CRYBG3: variants seen among roughly 807,000 people sequenced by gnomAD.
The protein encoded by CRYBG3 is crystallin beta-gamma domain containing 3, also known as very large A-kinase anchor protein.
A neutral mutation model predicts 244.2 loss-of-function variants in CRYBG3; 127 were observed. The ratio of observed to expected loss-of-function variants is 0.52; its 90% confidence interval spans 0.45 to 0.60. The LOEUF is 0.60. Among genes scored for constraint, CRYBG3 ranks in the 20% least tolerant of loss-of-function variants. The pLI is 0.00. For missense variants in CRYBG3, 3,325 were observed against 3,442.5 expected, an observed-to-expected ratio of 0.97 and a Z score of 0.85; for synonymous variants, 1,132 against 1,195.8, an observed-to-expected ratio of 0.95 and a Z score of 1.10.
chr3:97,921,127 G>C (rs1428394200), intron 17 of CRYBG3, among the ~76,000 whole-genome samples: 1 of 96,468 alleles, frequency 1.0e-5, no homozygotes, highest in Non-Finnish European at 1.9e-5. Context: ...TCTCTATTTT[G>C]TGTTTTTATG....
At position 97,872,614 on chromosome 3, in the gene CRYBG3, T is replaced by A; in HGVS notation, c.1420T>A (p.Cys474Ser). The A allele has an allele frequency of 6.5e-7, 1 of 1,535,884 alleles. No homozygotes were observed. The highest frequency in any genetic ancestry group is 1.2e-5 in the South Asian group (1 of 84,052). Residue 474 changes from cysteine to serine, a missense_variant, in exon 4 of 22, where the codon TGT becomes AGT. Cys to Ser is a moderately radical substitution (Grantham distance 112). Transcript: ENST00000389622. ...ACATCTGCAGTTGCCAGAGAGTGAGTGTTCTGACAAGCAAACCATAGATAG... is the reference window on the plus strand; with the variant it reads ...ACATCTGCAGTTGCCAGAGAGTGAGAGTTCTGACAAGCAAACCATAGATAG... ...HEHLQLPESE[C>S]SDKQTIDSSS...
At chr3:97,925,069 G>C (rs2040025319) in intron 17 of CRYBG3, among the ~76,000 whole-genome samples, 1 of 151,994 alleles carries the variant, frequency 6.6e-6, no homozygotes, top group African/African-American at 2.4e-5. Flanking sequence ...GCTGACCTGG[G>C]AGGACTGCTT....
At chr3:97,886,211 T>G (rs1401361733) in intron 7 of CRYBG3, among the ~76,000 whole-genome samples, 2 of 152,198 alleles carry the variant, frequency 1.3e-5, no homozygotes, top group Non-Finnish European at 2.9e-5. Context: ...TACTTGTTTT[T>G]TTATATCCCC....
At position 97,873,744 on chromosome 3, in the gene CRYBG3, C is replaced by T. The variant is rs755649024; in HGVS notation, c.2550C>T (p.Asn850=). Residue 850 remains asparagine, a synonymous_variant, in exon 4 of 22, where the codon AAC becomes AAT. Transcript: ENST00000389622. The part of the protein sequence containing the change: ...KVSLSKVEPR[N]ISQDKMSSFP... ...CTCTTTCAAAAGTGGAGCCCAGAAA[C>T]ATTTCTCAGGATAAAATGTCTTCTT... The T allele has an allele frequency of 1.3e-5, 20 of 1,535,698 alleles. No homozygotes were observed. Among genetic ancestry groups the T allele is most frequent in the Non-Finnish European group, 1.7e-5 (20 of 1,146,750 alleles).
chr3:97,857,366 G>T (rs952220891), intron 2 of CRYBG3, among the ~76,000 whole-genome samples: 6 of 149,512 alleles, frequency 4.0e-5, no homozygotes, highest in Non-Finnish European at 8.9e-5. Context: ...ATGAAATGTT[G>T]TATAAATGTT....
At position 97,910,282 on chromosome 3, in the gene CRYBG3, C is replaced by G. The variant is rs377317050; in HGVS notation, c.8005-1885C>G. On this transcript the variant is annotated intron_variant, in intron 15 of 21. Coordinates refer to ENST00000389622, the MANE Select transcript of CRYBG3 (RefSeq NM_153605.4). Reference sequence around the variant, plus strand: ...GAGCTGTGGTGGGCTCCACCCAGTTCGAGCTTCCTGGCTGCTTTGTTTACC... The same window carrying G: ...GAGCTGTGGTGGGCTCCACCCAGTTGGAGCTTCCTGGCTGCTTTGTTTACC... Among the ~76,000 whole-genome samples, 11 of 152,218 alleles carry G rather than the reference C, an allele frequency of 7.2e-5. No individual in the cohort carries two copies. The South Asian group carries it at 1.4e-3, about 20-fold the overall frequency.
Position 97,874,375 on chromosome 3 carries a change from T to C in CRYBG3, c.3181T>C (p.Ser1061Pro). ...TTTAAATGGTGGTATTGATAGTGTG[T>C]CATCTTCCTCTAGTTACCCTGAAGA... The part of the protein sequence containing the change: ...HFLNGGIDSV[S>P]SSSSYPEEVS... The change falls in exon 4 of 22, where the codon TCA (serine) becomes CCA (proline). Residue 1061 changes from serine to proline, a missense_variant. Ser to Pro is a moderately conservative substitution (Grantham distance 74). This residue lies in a region of CRYBG3 where 1,526 missense variants were observed against 1,443.2 expected (regional missense o/e 1.06). Coordinates refer to ENST00000389622, the MANE Select transcript of CRYBG3 (RefSeq NM_153605.4). 1 of 1,530,676 alleles carries C rather than the reference T, an allele frequency of 6.5e-7. No homozygotes were observed. Among genetic ancestry groups the C allele is most frequent in the Non-Finnish European group, 8.7e-7 (1 of 1,145,350 alleles). The allele number at this position is 1,530,676 out of a possible 1,614,324, so 94.8% of individuals were successfully genotyped here. A position where few individuals can be genotyped will look rare whatever the true frequency, so the allele number is the denominator to read the frequency against.
intron 17 of CRYBG3, among the ~76,000 whole-genome samples, chr3:97,932,402 T>C (rs1012300173): frequency 6.6e-6 from 1 of 152,064 alleles, no homozygotes; most frequent in African/African-American, 2.4e-5. Context: ...TGATGGGCGT[T>C]TAAATCATTC....
At position 97,874,258 on chromosome 3, in the gene CRYBG3, G is replaced by A. The variant is rs573388721; in HGVS notation, c.3064G>A (p.Ala1022Thr). Residue 1022 changes from alanine (A) to threonine (T), a missense_variant, in exon 4 of 22, where the codon GCA (alanine) becomes ACA (threonine). Transcript: ENST00000389622. The stretch of plus-strand genomic sequence containing the variant: ...TTCCAGTTTGGAAAAAAATTCTTCT[G>A]CATCTGAGGACTCAAGCTTCCTTAA... ...SDSSLEKNSSASEDSSFLKVP... is the reference protein window; with the variant it reads ...SDSSLEKNSSTSEDSSFLKVP... 1 of 1,535,146 alleles carries A rather than the reference G, an allele frequency of 6.5e-7. No individual in the cohort carries two copies. Among genetic ancestry groups the A allele is most frequent in the African/African-American group, 1.4e-5 (1 of 73,086 alleles).
In CRYBG3 at chr3:97,872,953, G is replaced by C; in HGVS notation, c.1759G>C (p.Asp587His). 1.3e-6 allele frequency: 2 copies of C among 1,533,852 alleles called. No individual in the cohort carries two copies. The highest frequency in any genetic ancestry group is 1.2e-5 in the South Asian group (1 of 83,292). ...TCCTCATATTAGAATGAATAAAAAA[G>C]ACCTGGCCTCTTTAAATTACATCAG... The part of the protein sequence containing the change: ...KIPHIRMNKK[D>H]LASLNYISES... Residue 587 changes from aspartate to histidine, a missense_variant, in exon 4 of 22, where the codon GAC becomes CAC. Physicochemically the swap from Asp to His is moderately conservative, Grantham distance 81. This residue lies in a region of CRYBG3 where 1,526 missense variants were observed against 1,443.2 expected (regional missense o/e 1.06). Coordinates refer to ENST00000389622, the MANE Select transcript of CRYBG3 (RefSeq NM_153605.4).
chr3:97,828,841 A>AT (rs1405808600), intron 1 of CRYBG3, among the ~76,000 whole-genome samples: 2 of 151,572 alleles, frequency 1.3e-5, no homozygotes, highest in Non-Finnish European at 2.9e-5. Context: ...AAAAAAAAAA[A>AT]AAAATAACAA....
chr3:97,826,774 T>C (rs2038583031), intron 1 of CRYBG3, among the ~76,000 whole-genome samples: 1 of 152,230 alleles, frequency 6.6e-6, no homozygotes, highest in African/African-American at 2.4e-5. Context: ...TGACCAAATA[T>C]GCCTTCATAG....
intron 15 of CRYBG3, among the ~76,000 whole-genome samples, chr3:97,911,581 A>G (rs957060561): frequency 6.6e-6 from 1 of 152,190 alleles, no homozygotes; most frequent in Non-Finnish European, 1.5e-5. Context: ...TTTCTTCACC[A>G]GAAATCTTCC....
Position 97,915,677 on chromosome 3 carries a change from G to C in CRYBG3, c.8182G>C (p.Asp2728His), listed in dbSNP as rs374780953. Reference protein sequence around the residue: ...HCVLEEGLYADLTSCGCPASK... With the variant: ...HCVLEEGLYAHLTSCGCPASK... ...TGTGTTAGAAGAAGGCCTCTATGCT[G>C]ACCTTACTTCCTGCGGTTGCCCAGC... Residue 2728 changes from aspartate to histidine, a missense_variant, in exon 17 of 22, where the codon GAC (aspartate) becomes CAC (histidine). Asp to His is a moderately conservative substitution (Grantham distance 81, BLOSUM62 -1). Around this residue, in one of 4 missense-constraint regions of CRYBG3, gnomAD observed 714 missense variants for 803.6 expected, o/e 0.89. Transcript: ENST00000389622. 8 of 1,612,940 alleles carry C rather than the reference G, an allele frequency of 5.0e-6. No individual in the cohort carries two copies. The African/African-American group carries it at 8.0e-5, about 16-fold the overall frequency.
rs145724052 is a variant in CRYBG3 at position 97,874,572 on chromosome 3, G to A, written c.3378G>A (p.Gln1126=). The part of the protein sequence containing the change: ...VSIGTEVTPF[Q]EHFGIYTGKI... ...TTGGGACAGAAGTAACCCCATTTCA[G>A]GAACATTTTGGGATTTATACTGGGA... Residue 1126 remains glutamine (Q), a synonymous_variant, in exon 4 of 22, where the codon CAG becomes CAA. Transcript: ENST00000389622. 102 of 1,535,896 alleles carry A rather than the reference G, an allele frequency of 6.6e-5. No homozygotes were observed. The East Asian group carries it at 2.4e-3, about 37-fold the overall frequency.
Position 97,873,116 on chromosome 3 carries a change from C to T in CRYBG3, c.1922C>T (p.Thr641Ile), listed in dbSNP as rs1209321789. 2 of 1,535,290 alleles carry T rather than the reference C, an allele frequency of 1.3e-6. No individual in the cohort carries two copies. Among genetic ancestry groups the T allele is most frequent in the Non-Finnish European group, 1.7e-6 (2 of 1,146,458 alleles). Reference protein sequence around the residue: ...QQAEVSPDAKTSLSLDCKKLN... With the variant: ...QQAEVSPDAKISLSLDCKKLN... The stretch of plus-strand genomic sequence containing the variant: ...GCTGAAGTATCACCTGATGCTAAAA[C>T]ATCTCTTAGCCTTGACTGTAAAAAA... The change falls in exon 4 of 22, where the codon ACA (threonine) becomes ATA (isoleucine). Residue 641 changes from threonine (T) to isoleucine (I), a missense_variant. This residue lies in a region of CRYBG3 where 1,526 missense variants were observed against 1,443.2 expected (regional missense o/e 1.06). Transcript: ENST00000389622.
Position 97,923,458 on chromosome 3 carries a change from A to G in CRYBG3, c.8241+7722A>G, listed in dbSNP as rs2040005993. 2.6e-5 allele frequency among the ~76,000 whole-genome samples: 4 copies of G among 152,144 alleles called. No homozygotes were observed. The South Asian group carries it at 8.3e-4, about 32-fold the overall frequency. ...TGAAAATGCAGGCCAACAAAAACTT[A>G]CAGTAAACATCACACTTCCCAGTGA... On this transcript the variant is annotated intron_variant, in intron 17 of 21. Transcript: ENST00000389622.
intron 7 of CRYBG3, among the ~76,000 whole-genome samples, chr3:97,883,484 C>A (rs567329123): frequency 6.6e-5 from 10 of 152,074 alleles, no homozygotes; most frequent in East Asian, 5.8e-4. Context: ...CTCTCTCACC[C>A]CCCCCACCAA....
At chr3:97,838,734 G>C (rs2038770896) in intron 1 of CRYBG3, among the ~76,000 whole-genome samples, 1 of 152,052 alleles carries the variant, frequency 6.6e-6, no homozygotes, top group Non-Finnish European at 1.5e-5. Flanking sequence ...CTATTGGTTA[G>C]GGAATCTTGT....
Sources: gnomAD v4.1 joint callset for allele counts (sites outside exome capture counted in the v4.1 genomes callset) on GRCh38, gnomAD v4.1.1 for gene constraint, gnomAD v4.1.1 regional missense constraint, MANE v1.5 for transcripts, NCBI Gene and HGNC (gene_info 2026-07-23, HGNC 2026-07-21) for gene names.